GABBR2: variants seen among roughly 807,000 people sequenced by gnomAD.
GABBR2 encodes the protein G-protein coupled receptor 51.
In GABBR2, 23 loss-of-function variants were observed where a neutral mutation model predicts 105.6. That is an observed-to-expected ratio of 0.22 (90% CI 0.16 to 0.31). GABBR2 has a LOEUF of 0.31. GABBR2 is among the 10% of genes least tolerant of loss of function. GABBR2 has a pLI of 1.00. For missense variants in GABBR2, 734 were observed against 1,245.5 expected, an observed-to-expected ratio of 0.59 and a Z score of 6.18; for synonymous variants, 478 against 499.7, an observed-to-expected ratio of 0.96 and a Z score of 0.58.
chr9:98,467,576 A>G (rs1165968866), intron 6 of GABBR2, among the ~76,000 whole-genome samples: 2 of 152,176 alleles, frequency 1.3e-5, no homozygotes, highest in African/African-American at 2.4e-5. Flanking sequence ...TAAAACTCCA[A>G]GTTCTTTGTC....
Position 98,290,289 on chromosome 9 carries a change from T to TG in GABBR2, c.*294_*295insC, listed in dbSNP as rs1830280948. On this transcript the variant is annotated 3_prime_UTR_variant, in exon 19 of 19. Coordinates refer to ENST00000259455, the MANE Select transcript of GABBR2 (RefSeq NM_005458.8). Reference sequence around the variant, plus strand: ...TTTTTGTTTTTTTTTTTTTTTTTTTTTTTTTGCAAGTTTGATATCCCAGCG... The same window carrying TG: ...TTTTTGTTTTTTTTTTTTTTTTTTTTGTTTTTGCAAGTTTGATATCCCAGCG... 1 of 196,848 alleles carries TG rather than the reference T, an allele frequency of 5.1e-6. No homozygotes were observed. Among genetic ancestry groups the TG allele is most frequent in the Admixed American group, 6.1e-5 (1 of 16,438 alleles). The allele number at this position is 196,848 out of a possible 1,614,324, so 12.2% of individuals were successfully genotyped here.
At chr9:98,578,377 C>A (rs1266973993) in intron 1 of GABBR2, among the ~76,000 whole-genome samples, 1 of 152,102 alleles carries the variant, frequency 6.6e-6, no homozygotes, top group African/African-American at 2.4e-5. Context: ...CCTGGGATCT[C>A]ACTTTTTCAT....
intron 1 of GABBR2, among the ~76,000 whole-genome samples, chr9:98,655,416 A>C (rs1364056600): frequency 6.6e-6 from 1 of 152,218 alleles, no homozygotes; most frequent in Non-Finnish European, 1.5e-5. Context: ...GAAAAGGTAC[A>C]GAAGCTAGGG....
chr9:98,408,310 C>T (rs566319084), intron 7 of GABBR2, among the ~76,000 whole-genome samples: 47 of 152,238 alleles, frequency 3.1e-4, no homozygotes, highest in African/African-American at 9.1e-4. Context: ...TTCTGCCTAC[C>T]GATGAGAGAA....
chr9:98,423,030 GT>G (rs1274565413), intron 7 of GABBR2, among the ~76,000 whole-genome samples: 3 of 152,114 alleles, frequency 2.0e-5, no homozygotes, highest in Non-Finnish European at 4.4e-5. Context: ...ATTTGGGTTG[GT>G]TCCAAGTCTT....
At chr9:98,396,591 T>C (rs74681026) in intron 8 of GABBR2, among the ~76,000 whole-genome samples, 4,938 of 152,298 alleles carry the variant, frequency 0.032, 247 homozygotes, top group African/African-American at 0.1. Context: ...AAATGTCACA[T>C]TAGCAGAATC....
At chr9:98,650,645 G>A (rs943127996) in intron 1 of GABBR2, among the ~76,000 whole-genome samples, 1 of 152,196 alleles carries the variant, frequency 6.6e-6, no homozygotes, top group African/African-American at 2.4e-5. Flanking sequence ...CATGTTCACA[G>A]CAACATTATC....
At position 98,293,827 on chromosome 9, in the gene GABBR2, C is replaced by G; in HGVS notation, c.2618G>C (p.Arg873Pro). The G allele has an allele frequency of 6.2e-7, 1 of 1,610,504 alleles. No individual in the cohort carries two copies. The highest frequency in any genetic ancestry group is 8.5e-7 in the Non-Finnish European group (1 of 1,176,924). ...QLQWNTTEPS[R>P]TCKDPIEDIN... is the part of the protein sequence containing the mutation. ...ATCTTCTATAGGATCTTTGCATGTT[C>G]GAGAGGGCTCTGTTGTGTTCCACTG... The change falls in exon 18 of 19, where the codon CGA becomes CCA. Residue 873 changes from arginine to proline, a missense_variant. Physicochemically the swap from Arg to Pro is moderately radical, Grantham distance 103. Around this residue, in one of 7 missense-constraint regions of GABBR2, gnomAD observed 134 missense variants for 171.2 expected, o/e 0.78. Coordinates refer to ENST00000259455, the MANE Select transcript of GABBR2 (RefSeq NM_005458.8).
chr9:98,675,681 T>A (rs929864282), intron 1 of GABBR2, among the ~76,000 whole-genome samples: 1 of 152,200 alleles, frequency 6.6e-6, no homozygotes, highest in African/African-American at 2.4e-5. Context: ...GGACAGCTAA[T>A]CTGCACTAGG....
chr9:98,361,436 G>A (rs926499773), intron 13 of GABBR2, among the ~76,000 whole-genome samples: 1 of 152,188 alleles, frequency 6.6e-6, no homozygotes, highest in African/African-American at 2.4e-5. Context: ...CAGGGGCCCA[G>A]TTAGCCAATG....
intron 15 of GABBR2, among the ~76,000 whole-genome samples, chr9:98,303,803 C>T (rs1564008969): frequency 6.6e-6 from 1 of 152,252 alleles, no homozygotes; most frequent in African/African-American, 2.4e-5. Context: ...AACAAAGAGA[C>T]AGAGGAGAGC....
chr9:98,584,920 C>T (rs540386603), intron 1 of GABBR2, among the ~76,000 whole-genome samples: 13 of 152,334 alleles, frequency 8.5e-5, no homozygotes, highest in South Asian at 2.1e-4. Context: ...AATTTGTCCT[C>T]GGCCAGCTCT....
At chr9:98,625,054 C>T (rs571123785) in intron 1 of GABBR2, among the ~76,000 whole-genome samples, 13 of 152,300 alleles carry the variant, frequency 8.5e-5, no homozygotes, top group African/African-American at 2.6e-4. Flanking sequence ...TCAGGAAGCA[C>T]AGCCCAAGCC....
At chr9:98,394,376 C>T (rs1269170647) in intron 8 of GABBR2, 121 bp from the exon 9 acceptor site, 4 of 679,900 alleles carry the variant, frequency 5.9e-6, no homozygotes, top group Non-Finnish European at 1.1e-5. Flanking sequence ...GCTTCCCTTT[C>T]TCCAATGCCT....
chr9:98,684,007 CAAAAAAAAAAAAAA>C (rs367642589), intron 1 of GABBR2, among the ~76,000 whole-genome samples: 2 of 105,928 alleles, frequency 1.9e-5, no homozygotes, highest in Admixed American at 1.0e-4. Context: ...GACTCCATCT[CAAAAAAAAAAAAAA>C]AAAAAAAAAA....
intron 1 of GABBR2, among the ~76,000 whole-genome samples, chr9:98,700,035 C>A (rs1160245368): frequency 1.3e-5 from 2 of 152,188 alleles, no homozygotes; most frequent in Non-Finnish European, 2.9e-5. Flanking sequence ...AACCAGGTGC[C>A]TGGAGAAGGG....
intron 6 of GABBR2, among the ~76,000 whole-genome samples, chr9:98,459,726 T>A (rs1253206756): frequency 2.0e-5 from 3 of 152,154 alleles, no homozygotes; most frequent in Non-Finnish European, 4.4e-5. Context: ...GAGTCCAGGG[T>A]CAGTAAATAT....
chr9:98,704,364 T>A (rs1830868315), intron 1 of GABBR2, among the ~76,000 whole-genome samples: 1 of 152,246 alleles, frequency 6.6e-6, no homozygotes, highest in Non-Finnish European at 1.5e-5. Flanking sequence ...TAGACTGGGC[T>A]CCTTGGCTCC....
At chr9:98,359,893 A>G (rs1831552943) in intron 13 of GABBR2, among the ~76,000 whole-genome samples, 1 of 152,180 alleles carries the variant, frequency 6.6e-6, no homozygotes, top group African/African-American at 2.4e-5. Context: ...AGTGAGGCAG[A>G]GCAGGTTCTC....
Sources: gnomAD v4.1 joint callset for allele counts (sites outside exome capture counted in the v4.1 genomes callset) on GRCh38, gnomAD v4.1.1 for gene constraint, gnomAD v4.1.1 regional missense constraint, MANE v1.5 for transcripts, NCBI Gene and HGNC (gene_info 2026-07-23, HGNC 2026-07-21) for gene names.